Variants in BAHD1 observed in about 807,000 individuals in gnomAD.
The protein encoded by BAHD1 is bromo adjacent homology domain containing 1.
BAHD1 carries 20 observed loss-of-function variants against 63.1 expected under a neutral mutation model. That is an observed-to-expected ratio of 0.32 (90% CI 0.22 to 0.46). The LOEUF (loss-of-function observed/expected upper bound fraction) is 0.46, where lower values mean the gene tolerates loss of function less well. Ranked by LOEUF, BAHD1 falls within the 20% of genes least tolerant of loss-of-function variation. The pLI, the probability that BAHD1 is intolerant of heterozygous loss-of-function variation, is 1.00. For missense variants in BAHD1, 939 were observed against 1,071.8 expected, an observed-to-expected ratio of 0.88 and a Z score of 1.73; for synonymous variants, 408 against 426.8, an observed-to-expected ratio of 0.96 and a Z score of 0.54.
chr15:40,458,931 A>T lies in BAHD1; in HGVS notation c.467A>T (p.Asp156Val), dbSNP rs774401922. 8.3e-5 allele frequency: 133 copies of T among 1,595,262 alleles called. No individual in the cohort carries two copies. Among genetic ancestry groups the T allele is most frequent in the Non-Finnish European group, 1.1e-4 (131 of 1,169,820 alleles). The stretch of plus-strand genomic sequence containing the variant: ...GCAGGGGATCCCCACCGCAGCCGTG[A>T]CCGTGATCGTGCTACTGGGGGCTGG... The part of the protein sequence containing the change: ...SRAGDPHRSR[D>V]RDRATGGWSS... The change falls in exon 2 of 7, where the codon GAC becomes GTC. Residue 156 changes from aspartate to valine, a missense_variant. By Grantham distance (152) the Asp-to-Val change is radical. Coordinates refer to ENST00000416165, the MANE Select transcript of BAHD1 (RefSeq NM_014952.5). This position sits in a 1 kb window ranked among gnomAD's most constrained non-coding sequence, Gnocchi z 4.7.
chr15:40,463,403 T>C (rs967225500), intron 3 of BAHD1, among the ~76,000 whole-genome samples: 2 of 152,242 alleles, frequency 1.3e-5, no homozygotes, highest in African/African-American at 2.4e-5. Flanking sequence ...CCTTTAATCC[T>C]CACCACTACC....
chr15:40,442,480 C>T (rs1566957398), intron 1 of BAHD1, among the ~76,000 whole-genome samples: 1 of 152,150 alleles, frequency 6.6e-6, no homozygotes, highest in Non-Finnish European at 1.5e-5. Flanking sequence ...CTCACCGAGG[C>T]GACAGACCCA....
chr15:40,460,845 T>G (rs1261293798), intron 2 of BAHD1, among the ~76,000 whole-genome samples: 1 of 152,176 alleles, frequency 6.6e-6, no homozygotes, highest in Non-Finnish European at 1.5e-5. Context: ...CCAGACTGGT[T>G]GTTTCAGGTT....
intron 1 of BAHD1, among the ~76,000 whole-genome samples, chr15:40,456,434 C>T (rs980220137): frequency 6.6e-6 from 1 of 152,236 alleles, no homozygotes; most frequent in African/African-American, 2.4e-5. Flanking sequence ...CTCTGTCTTG[C>T]CCGGGGCCTG....
At chr15:40,452,066 C>T (rs1893721014) in intron 1 of BAHD1, among the ~76,000 whole-genome samples, 1 of 152,244 alleles carries the variant, frequency 6.6e-6, no homozygotes, top group Non-Finnish European at 1.5e-5. Context: ...ACTCTTGTTT[C>T]TCTTGTCCTC....
intron 1 of BAHD1, among the ~76,000 whole-genome samples, chr15:40,449,616 A>T (rs1174987199): frequency 6.6e-6 from 1 of 151,976 alleles, no homozygotes; most frequent in Non-Finnish European, 1.5e-5. Flanking sequence ...CCTGGGCAAC[A>T]TAGTGAGACC....
chr15:40,464,165 C>T (rs1894135776), intron 4 of BAHD1, 145 bp downstream of exon 4: 7 of 992,000 alleles, frequency 7.1e-6, no homozygotes, highest in South Asian at 3.3e-5. Context: ...CGGCTGGGGT[C>T]TCTCTGCTGC....
chr15:40,452,232 G>A (rs1306653042), intron 1 of BAHD1, among the ~76,000 whole-genome samples: 2 of 152,162 alleles, frequency 1.3e-5, no homozygotes, highest in African/African-American at 4.8e-5. Context: ...AGCAAGTGAG[G>A]CTGTATGGGC....
rs921235178 is a variant in BAHD1 at position 40,467,634 on chromosome 15, T to C, written c.*1504T>C. 11 of 152,722 alleles carry C rather than the reference T, an allele frequency of 7.2e-5. No individual in the cohort carries two copies. Among genetic ancestry groups the C allele is most frequent in the African/African-American group, 2.7e-4 (11 of 41,446 alleles). The allele number at this position is 152,722 out of a possible 1,614,324, so 9.5% of individuals were successfully genotyped here. A position where few individuals can be genotyped will look rare whatever the true frequency, so the allele number is the denominator to read the frequency against. On this transcript the variant is annotated 3_prime_UTR_variant, in exon 7 of 7. Transcript: ENST00000416165. ...CCCCAACTTGCCATGCCCTGTCCCT[T>C]AGTAGATGAGTTGCTCCTGATTGGT...
chr15:40,464,365 C>T, intron 4 of BAHD1, 106 bp from the exon 5 acceptor site: 1 of 972,932 alleles, frequency 1.0e-6, no homozygotes, highest in Non-Finnish European at 1.6e-6. Context: ...CCGGAGCCTG[C>T]AGGATTGAGG....
At chr15:40,445,266 A>AAAC (rs1555408416) in intron 1 of BAHD1, among the ~76,000 whole-genome samples, 3 of 151,530 alleles carry the variant, frequency 2.0e-5, no homozygotes, top group Non-Finnish European at 4.4e-5. Context: ...TAAAAAAAAA[A>AAAC]AAAAAAAAAA....
At chr15:40,446,569 T>C (rs1483076412) in intron 1 of BAHD1, among the ~76,000 whole-genome samples, 1 of 152,082 alleles carries the variant, frequency 6.6e-6, no homozygotes, top group Non-Finnish European at 1.5e-5. Context: ...GCAGGCCCAA[T>C]CCACCAGGAG....
In BAHD1 at chr15:40,458,616, G is replaced by A. The variant is rs142663277; in HGVS notation, c.152G>A (p.Arg51His). Residue 51 changes from arginine (R) to histidine (H), a missense_variant, in exon 2 of 7, where the codon CGC becomes CAC. By Grantham distance (29) the Arg-to-His change is conservative (BLOSUM62 0). This residue lies in a region of BAHD1 where 797 missense variants were observed against 813.3 expected (regional missense o/e 0.98). Transcript: ENST00000416165. This position sits in a 1 kb window ranked among gnomAD's most constrained non-coding sequence, Gnocchi z 4.7. ...GAGAGCCCAGGTCACCTCACAGGGC[G>A]CCGCAAGAATTACCCACTTCGTAAG... ...MPESPGHLTG[R>H]RKNYPLRKRP... 6.0e-5 allele frequency: 97 copies of A among 1,613,852 alleles called. No homozygotes were observed. Among genetic ancestry groups the A allele is most frequent in the Non-Finnish European group, 7.6e-5 (90 of 1,179,998 alleles).
rs1160855085 is a variant in BAHD1, at chr15:40,460,382, G to A, written c.1432+486G>A. Among the ~76,000 whole-genome samples, 8 of 152,250 alleles carry A rather than the reference G, an allele frequency of 5.3e-5. No individual in the cohort carries two copies. The East Asian group carries it at 1.5e-3, about 29-fold the overall frequency. ...TCATGGGAAAGGTGGTAGGTACCAG[G>A]CTCAGTAGGTGGTACCTACTGCACA... On this transcript the variant is annotated intron_variant, in intron 2 of 6. Transcript: ENST00000416165.
At chr15:40,463,087 A>C (rs542555688) in intron 3 of BAHD1, among the ~76,000 whole-genome samples, 1 of 152,294 alleles carries the variant, frequency 6.6e-6, no homozygotes, top group South Asian at 2.1e-4. Context: ...GGATTGTTTG[A>C]GCTCAGGAGT....
intron 1 of BAHD1, chr15:40,443,116 GC>G (rs1893447969): frequency 4.5e-6 from 1 of 220,578 alleles, no homozygotes; most frequent in African/African-American, 2.3e-5. Flanking sequence ...TGTGGATTTT[GC>G]TGAGAATCTG....
chr15:40,462,246 T>C lies in BAHD1; in HGVS notation c.1767T>C (p.Asn589=). ...RPRRRRRRRT[N]GWVPVGAACE... Reference sequence around the variant, plus strand: ...GCCGCCGCCGTCGCCGCCGCACTAATGGCTGGGTACCTGTTGGGGCTGCGT... The same window carrying C: ...GCCGCCGCCGTCGCCGCCGCACTAACGGCTGGGTACCTGTTGGGGCTGCGT... The change falls in exon 3 of 7, where the codon AAT becomes AAC. Residue 589 remains asparagine (N), a synonymous_variant. Coordinates refer to ENST00000416165, the MANE Select transcript of BAHD1 (RefSeq NM_014952.5). 2 of 1,611,472 alleles carry C rather than the reference T, an allele frequency of 1.2e-6. No homozygotes were observed. Among genetic ancestry groups the C allele is most frequent in the East Asian group, 2.2e-5 (1 of 44,824 alleles).
intron 1 of BAHD1, among the ~76,000 whole-genome samples, chr15:40,456,648 C>T (rs1344520767): frequency 6.6e-6 from 1 of 152,214 alleles, no homozygotes; most frequent in Non-Finnish European, 1.5e-5. Flanking sequence ...GGCCCAAGGC[C>T]ATGGGAGCTA....
At chr15:40,450,857 G>T (rs750862576) in intron 1 of BAHD1, among the ~76,000 whole-genome samples, 1 of 152,092 alleles carries the variant, frequency 6.6e-6, no homozygotes. Context: ...TAGCTTTTGG[G>T]CCGGGCTCAG....
Sources: allele counts gnomAD v4.1 joint callset (sites outside exome capture counted in the v4.1 genomes callset), GRCh38; gene constraint gnomAD v4.1.1; regional missense constraint gnomAD v4.1.1; non-coding constraint Gnocchi (gnomAD v3.1); transcripts MANE v1.5; gene names NCBI Gene and HGNC (gene_info 2026-07-23, HGNC 2026-07-21).